The following SLC12A2 variants were observed in gnomAD, a reference collection of about 807,000 sequenced individuals.
SLC12A2 encodes the protein Na-K-2Cl cotransporter 1.
Under a neutral mutation model 136.3 loss-of-function variants are expected in SLC12A2, and 67 were observed. The ratio of observed to expected loss-of-function variants is 0.49; its 90% CI spans 0.40 to 0.60. The LOEUF is 0.60. Among genes scored for constraint, SLC12A2 ranks in the 20% least tolerant of loss-of-function variants. The pLI is 0.00. For missense variants in SLC12A2, 1,322 were observed against 1,534.7 expected, an observed-to-expected ratio of 0.86 and a Z score of 2.32; for synonymous variants, 619 against 562.9, an observed-to-expected ratio of 1.10 and a Z score of -1.41.
At chr5:128,157,918 A>C (rs1417647026) in intron 15 of SLC12A2, 135 bp from the exon 16 acceptor site, 20 of 628,926 alleles carry the variant, frequency 3.2e-5, no homozygotes, top group Non-Finnish European at 5.1e-5. Context: ...GGTTAAAAAT[A>C]GTCTTTTTGA....
intron 1 of SLC12A2, among the ~76,000 whole-genome samples, chr5:128,086,063 T>A (rs550384655): frequency 6.6e-6 from 1 of 152,326 alleles, no homozygotes; most frequent in African/African-American, 2.4e-5. Context: ...GCTGGCAATT[T>A]TCATTATCTT....
At position 128,188,987 on chromosome 5, in the gene SLC12A2, A is replaced by G. The variant is rs1050102503; in HGVS notation, c.*2356A>G. On this transcript the variant is annotated 3_prime_UTR_variant, in exon 27 of 27. Coordinates refer to ENST00000262461, the MANE Select transcript of SLC12A2 (RefSeq NM_001046.3). ...CAACATTGTGATCTGTACTACAGGAACCAAATGTCATGCGTCATACATGTG... is the reference window on the plus strand; with the variant it reads ...CAACATTGTGATCTGTACTACAGGAGCCAAATGTCATGCGTCATACATGTG... 5 of 151,526 alleles carry G rather than the reference A, an allele frequency of 3.3e-5. No individual in the cohort carries two copies. Among genetic ancestry groups the G allele is most frequent in the African/African-American group, 1.2e-4 (5 of 41,030 alleles). 9.4% of individuals were successfully genotyped at this position (151,526 alleles called of 1,614,324 possible).
At chr5:128,107,158 T>C (rs1384885495) in intron 1 of SLC12A2, among the ~76,000 whole-genome samples, 1 of 152,194 alleles carries the variant, frequency 6.6e-6, no homozygotes, top group Non-Finnish European at 1.5e-5. Context: ...TTTCTTATTA[T>C]TTGGGATTGT....
At chr5:128,105,815 C>T (rs1324120912) in intron 1 of SLC12A2, among the ~76,000 whole-genome samples, 4 of 152,020 alleles carry the variant, frequency 2.6e-5, no homozygotes, top group African/African-American at 9.7e-5. Context: ...TGTTCTGCTC[C>T]CTATGGTTTC....
intron 19 of SLC12A2, among the ~76,000 whole-genome samples, chr5:128,173,380 A>G (rs1276750005): frequency 6.6e-6 from 1 of 152,232 alleles, no homozygotes; most frequent in African/African-American, 2.4e-5. Context: ...TTCACGTATC[A>G]GTTTGATGAA....
In SLC12A2 at chr5:128,084,368, C is replaced by T. The variant is rs1337906454; in HGVS notation, c.414C>T (p.Arg138=). ...PAKGSEEAKG[R]FRVNFVDPAA... is the part of the protein sequence containing the mutation. ...AAGGCAGCGAGGAAGCCAAGGGCCG[C>T]TTCCGCGTGAACTTCGTGGACCCAG... is the stretch of plus-strand genomic sequence containing the variant. The change falls in exon 1 of 27, where the codon CGC becomes CGT. Residue 138 remains arginine, a synonymous_variant. Transcript: ENST00000262461. This position sits in a 1 kb window ranked among gnomAD's most constrained non-coding sequence, Gnocchi z 5.6. 2 of 1,603,598 alleles carry T rather than the reference C, an allele frequency of 1.2e-6. No individual in the cohort carries two copies. Among genetic ancestry groups the T allele is most frequent in the Non-Finnish European group, 1.7e-6 (2 of 1,177,220 alleles).
intron 10 of SLC12A2, among the ~76,000 whole-genome samples, chr5:128,143,150 A>G (rs1762425382): frequency 6.6e-6 from 1 of 152,108 alleles, no homozygotes. Context: ...TTTTCAGCAT[A>G]TACGTCCTGT....
Position 128,112,864 on chromosome 5 carries a change from A to T in SLC12A2, c.807A>T (p.Arg269Ser). ...ATGGGGAAGAAAGTACTCCAACCAG[A>T]GATGCTGTGGTCACGTATACTGCAG... ...FANGEESTPTRDAVVTYTAES... is the reference protein window; with the variant it reads ...FANGEESTPTSDAVVTYTAES... Residue 269 changes from arginine to serine, a missense_variant, in exon 2 of 27, where the codon AGA becomes AGT. Physicochemically the swap from Arg to Ser is moderately radical, Grantham distance 110. Around this residue, in one of 8 missense-constraint regions of SLC12A2, gnomAD observed 59 missense variants for 51.5 expected, o/e 1.15. Transcript: ENST00000262461. 1 of 1,613,266 alleles carries T rather than the reference A, an allele frequency of 6.2e-7. No individual in the cohort carries two copies. The highest frequency in any genetic ancestry group is 8.5e-7 in the Non-Finnish European group (1 of 1,179,402).
chr5:128,139,657 G>A (rs1358588486), intron 9 of SLC12A2, among the ~76,000 whole-genome samples: 3 of 152,072 alleles, frequency 2.0e-5, no homozygotes, highest in African/African-American at 4.8e-5. Context: ...AGTCTTTAAG[G>A]CTATTTTCTA....
chr5:128,161,905 ATC>A (rs1166877237), intron 17 of SLC12A2, 105 bp downstream of exon 17: 8 of 755,254 alleles, frequency 1.1e-5, no homozygotes, highest in Non-Finnish European at 1.5e-5. Flanking sequence ...AAAATGGCAA[ATC>A]TTTTTTTATG....
chr5:128,105,419 G>A (rs541039353), intron 1 of SLC12A2, among the ~76,000 whole-genome samples: 3 of 152,252 alleles, frequency 2.0e-5, no homozygotes, highest in Admixed American at 2.0e-4. Context: ...TTCAAGAAAG[G>A]GAGTGGCTGA....
At chr5:128,132,149 G>T (rs1762045587) in intron 5 of SLC12A2, among the ~76,000 whole-genome samples, 1 of 152,158 alleles carries the variant, frequency 6.6e-6, no homozygotes, top group African/African-American at 2.4e-5. Flanking sequence ...GGATTGGGGG[G>T]CGTGACATGC....
rs763354556 is a variant in SLC12A2 at position 128,141,869 on chromosome 5, A to G, written c.1661A>G (p.Asp554Gly). ...VVRDATGNVN[D>G]TIVTELTNCT... is the part of the protein sequence containing the mutation. ...CGAGATGCCACTGGAAACGTTAATG[A>G]CACTATCGTAACAGAGCTAACAAAC... Residue 554 changes from aspartate to glycine, a missense_variant, in exon 10 of 27, where the codon GAC becomes GGC. Around this residue, in one of 8 missense-constraint regions of SLC12A2, gnomAD observed 294 missense variants for 436.6 expected, o/e 0.67. Coordinates refer to ENST00000262461, the MANE Select transcript of SLC12A2 (RefSeq NM_001046.3). The G allele has an allele frequency of 1.2e-6, 2 of 1,613,808 alleles. No individual in the cohort carries two copies. Among genetic ancestry groups the G allele is most frequent in the South Asian group, 2.2e-5 (2 of 91,056 alleles).
rs1762550995 is a variant in SLC12A2, at chr5:128,147,068, A to G, written c.1774-554A>G. Among the ~76,000 whole-genome samples, 4 of 149,306 alleles carry G rather than the reference A, an allele frequency of 2.7e-5. No homozygotes were observed. In the South Asian group the frequency reaches 8.4e-4, roughly 31 times the overall value. Reference sequence around the variant, plus strand: ...AAGACTGAAGAGACGCATAAACCAAATATAATGTGTAACCTTTTTTTTTTT... The same window carrying G: ...AAGACTGAAGAGACGCATAAACCAAGTATAATGTGTAACCTTTTTTTTTTT... On this transcript the variant is annotated intron_variant, in intron 10 of 26. Transcript: ENST00000262461.
chr5:128,185,189 G>A (rs972328619), intron 26 of SLC12A2, among the ~76,000 whole-genome samples: 3 of 152,208 alleles, frequency 2.0e-5, no homozygotes, highest in East Asian at 1.9e-4. Context: ...AGGGTCCTAC[G>A]TTAAAATTTG....
chr5:128,111,706 A>G (rs1228913862), intron 1 of SLC12A2, among the ~76,000 whole-genome samples: 1 of 151,154 alleles, frequency 6.6e-6, no homozygotes, highest in African/African-American at 2.4e-5. Flanking sequence ...CGGAGCTTGC[A>G]GTGAGCTGAG....
At chr5:128,135,256 G>T (rs1762148460) in intron 6 of SLC12A2, among the ~76,000 whole-genome samples, 1 of 151,860 alleles carries the variant, frequency 6.6e-6, no homozygotes, top group Non-Finnish European at 1.5e-5. Flanking sequence ...TTATTTTCCT[G>T]TAGCAATCAC....
chr5:128,188,657 C>A lies in SLC12A2; in HGVS notation c.*2026C>A, dbSNP rs2126765662. ...TTTTCAGTGGTGTGCAGCATTTTTG[C>A]TTCATGAGTATGACCTAGGTATAGA... On this transcript the variant is annotated 3_prime_UTR_variant, in exon 27 of 27. Coordinates refer to ENST00000262461, the MANE Select transcript of SLC12A2 (RefSeq NM_001046.3). 6.7e-6 allele frequency: 1 copy of A among 149,862 alleles called. No individual in the cohort carries two copies. Among genetic ancestry groups the A allele is most frequent in the African/African-American group, 2.5e-5 (1 of 40,548 alleles). 9.3% of individuals were successfully genotyped at this position (149,862 alleles called of 1,614,324 possible).
At chr5:128,181,077 A>G (rs1763690056) in intron 23 of SLC12A2, 83 bp downstream of exon 23, 5 of 857,390 alleles carry the variant, frequency 5.8e-6, no homozygotes, top group Non-Finnish European at 7.7e-6. Flanking sequence ...AAAATTAGAC[A>G]ATCCAGAAAA....
Sources: allele counts gnomAD v4.1 joint callset (sites outside exome capture counted in the v4.1 genomes callset), GRCh38; gene constraint gnomAD v4.1.1; regional missense constraint gnomAD v4.1.1; non-coding constraint Gnocchi (gnomAD v3.1); transcripts MANE v1.5; gene names NCBI Gene and HGNC (gene_info 2026-07-23, HGNC 2026-07-21).